The following MRC1 variants were observed in gnomAD, a reference collection of about 807,000 sequenced individuals.
MRC1 encodes the protein mannose receptor C-type 1.
A neutral mutation model predicts 102.9 loss-of-function variants in MRC1; 62 were observed. The observed-to-expected ratio is 0.60, with a 90% CI of 0.49 to 0.74. The LOEUF (loss-of-function observed/expected upper bound fraction) is 0.74, where lower values mean the gene tolerates loss of function less well. Ranked by LOEUF, MRC1 falls within the 30% of genes least tolerant of loss-of-function variation. The probability of loss-of-function intolerance (pLI) is 0.00; values close to 1 mark genes in which losing one functional copy is unlikely to be tolerated. For synonymous variants in MRC1, 457 were observed against 298.4 expected, an observed-to-expected ratio of 1.53 and a Z score of -5.48; for missense variants, 1,237 against 862.8, an observed-to-expected ratio of 1.43 and a Z score of -5.43.
At chr10:17,869,721 G>A (rs1833327836) in intron 12 of MRC1, among the ~76,000 whole-genome samples, 1 of 152,098 alleles carries the variant, frequency 6.6e-6, no homozygotes, top group Non-Finnish European at 1.5e-5. Flanking sequence ...CAACCATAAT[G>A]AAAAATACAA....
At chr10:17,908,087 G>C (rs1444879166) in intron 28 of MRC1, among the ~76,000 whole-genome samples, 1 of 152,188 alleles carries the variant, frequency 6.6e-6, no homozygotes, top group Non-Finnish European at 1.5e-5. Flanking sequence ...ATTGTGGAAT[G>C]AGTCACGTCA....
chr10:17,815,405 G>T (rs1309503717), intron 1 of MRC1, among the ~76,000 whole-genome samples: 3 of 152,202 alleles, frequency 2.0e-5, no homozygotes, highest in Admixed American at 6.5e-5. Context: ...CTAGTAAAGG[G>T]TTTTGTTTAT....
intron 5 of MRC1, among the ~76,000 whole-genome samples, chr10:17,843,003 T>C (rs1160584438): frequency 1.1e-4 from 17 of 152,234 alleles, no homozygotes; most frequent in African/African-American, 2.7e-4. Context: ...AAGCATTCAA[T>C]TGAATAATTA....
rs891321479 is a variant in MRC1, at chr10:17,854,779, C to T, written c.1408-1463C>T. The T allele has an allele frequency of 9.9e-4, 192 of 194,518 alleles. 1 individual carries two copies. The highest frequency in any genetic ancestry group is 4.3e-3 in the African/African-American group (180 of 41,972). The allele number at this position is 194,518 out of a possible 1,614,324, so 12.0% of individuals were successfully genotyped here. A position where few individuals can be genotyped will look rare whatever the true frequency, so the allele number is the denominator to read the frequency against. Reference sequence around the variant, plus strand: ...TCTTGGCTCAATGCAACCTCTGCCTCGAGAGTTCAAGCGATTCTCCTGCCT... The same window carrying T: ...TCTTGGCTCAATGCAACCTCTGCCTTGAGAGTTCAAGCGATTCTCCTGCCT... On this transcript the variant is annotated intron_variant, in intron 8 of 29. Transcript: ENST00000569591.
chr10:17,887,982 T>C (rs1464848976), intron 22 of MRC1, among the ~76,000 whole-genome samples: 2 of 152,132 alleles, frequency 1.3e-5, no homozygotes, highest in Non-Finnish European at 2.9e-5. Flanking sequence ...TTTTTTGTAC[T>C]GTTAGTAGAG....
In MRC1 at chr10:17,842,209, C is replaced by A. The variant is rs893955697; in HGVS notation, c.916+1403C>A. On this transcript the variant is annotated intron_variant, in intron 5 of 29. Transcript: ENST00000569591. Reference sequence around the variant, plus strand: ...AACTTCTGAACTCAAGTGATGTGGCCTGCCTCAACCTCCCAGAGTGCTGGG... The same window carrying A: ...AACTTCTGAACTCAAGTGATGTGGCATGCCTCAACCTCCCAGAGTGCTGGG... 1.1e-3 allele frequency among the ~76,000 whole-genome samples: 163 copies of A among 152,316 alleles called. 1 individual carries two copies. The highest frequency in any genetic ancestry group is 3.9e-3 in the African/African-American group (160 of 41,546).
intron 26 of MRC1, among the ~76,000 whole-genome samples, chr10:17,902,477 G>C (rs1365085272): frequency 6.6e-6 from 1 of 152,022 alleles, no homozygotes; most frequent in Non-Finnish European, 1.5e-5. Flanking sequence ...CTGTTTTGTT[G>C]TACCATTAAT....
intron 17 of MRC1, among the ~76,000 whole-genome samples, chr10:17,875,710 G>T (rs1460514174): frequency 1.3e-5 from 2 of 152,148 alleles, no homozygotes; most frequent in Non-Finnish European, 2.9e-5. Flanking sequence ...ATTGCAAATT[G>T]TGCCAATATT....
intron 1 of MRC1, among the ~76,000 whole-genome samples, chr10:17,819,439 GA>G (rs1454338627): frequency 6.8e-6 from 1 of 147,820 alleles, no homozygotes; most frequent in Non-Finnish European, 1.5e-5. Flanking sequence ...GTATATGTAT[GA>G]ATTCAGAGTT....
chr10:17,910,846 C>A lies in MRC1; in HGVS notation c.*381C>A. ...TGTTACCTATTAAATTGTAACTCAG[C>A]AAGTAGAAGACCATTTGAAAAGTCA... On this transcript the variant is annotated 3_prime_UTR_variant, in exon 30 of 30. Coordinates refer to ENST00000569591, the MANE Select transcript of MRC1 (RefSeq NM_002438.4). 4.7e-6 allele frequency: 1 copy of A among 212,592 alleles called. No homozygotes were observed. Among genetic ancestry groups the A allele is most frequent in the South Asian group, 7.0e-5 (1 of 14,256 alleles). 13.2% of individuals were successfully genotyped at this position (212,592 alleles called of 1,614,324 possible). A position where few individuals can be genotyped will look rare whatever the true frequency, so the allele number is the denominator to read the frequency against.
chr10:17,809,956 C>T (rs1232915952), intron 1 of MRC1, among the ~76,000 whole-genome samples: 3 of 152,094 alleles, frequency 2.0e-5, no homozygotes, highest in African/African-American at 4.8e-5. Flanking sequence ...GATGTCTCCC[C>T]GCGTCTTAGG....
chr10:17,854,001 T>C (rs1833037831), intron 8 of MRC1, among the ~76,000 whole-genome samples: 1 of 152,276 alleles, frequency 6.6e-6, no homozygotes, highest in African/African-American at 2.4e-5. Context: ...AGAGTCTTGC[T>C]CTGTCACCCA....
chr10:17,848,054 T>G (rs915444542), intron 6 of MRC1, among the ~76,000 whole-genome samples: 1 of 152,156 alleles, frequency 6.6e-6, no homozygotes, highest in Non-Finnish European at 1.5e-5. Flanking sequence ...TAGTTACTTG[T>G]ATGACTGCAG....
intron 8 of MRC1, among the ~76,000 whole-genome samples, chr10:17,853,644 T>A (rs1207289026): frequency 1.3e-5 from 2 of 151,842 alleles, no homozygotes; most frequent in Non-Finnish European, 2.9e-5. Context: ...CCCGTATATA[T>A]GTGAGAGATA....
At chr10:17,873,493 A>AT (rs1447220073) in intron 15 of MRC1, among the ~76,000 whole-genome samples, 11,910 of 146,440 alleles carry the variant, frequency 0.081, 723 homozygotes, top group African/African-American at 0.16. Flanking sequence ...AAAACTCATG[A>AT]TCTTTTTTTT....
chr10:17,818,243 C>A (rs1838341746), intron 1 of MRC1, among the ~76,000 whole-genome samples: 1 of 152,206 alleles, frequency 6.6e-6, no homozygotes, highest in African/African-American at 2.4e-5. Flanking sequence ...AATAATTTAT[C>A]TGGGTTACTA....
chr10:17,873,770 C>T lies in MRC1; in HGVS notation c.2345-14C>T. The T allele has an allele frequency of 1.1e-6, 1 of 872,332 alleles. No homozygotes were observed. The highest frequency in any genetic ancestry group is 1.3e-5 in the South Asian group (1 of 76,528). 54.0% of individuals were successfully genotyped at this position (872,332 alleles called of 1,614,324 possible). ...TTAAGTACACTTTATTTCTATTTTTCTCTTGTTTTACAGGACAAACACCAA... is the reference window on the plus strand; with the variant it reads ...TTAAGTACACTTTATTTCTATTTTTTTCTTGTTTTACAGGACAAACACCAA... On this transcript the variant is annotated splice_polypyrimidine_tract_variant and intron_variant, in intron 15 of 29. Transcript: ENST00000569591.
chr10:17,877,729 A>ATT (rs1284916328), intron 17 of MRC1, among the ~76,000 whole-genome samples, 171 bp from the exon 18 acceptor site: 1 of 151,222 alleles, frequency 6.6e-6, no homozygotes, highest in Non-Finnish European at 1.5e-5. Context: ...AATTGTGTGC[A>ATT]TTTTTTTTTA....
At chr10:17,827,107 G>A (rs945366888) in intron 2 of MRC1, among the ~76,000 whole-genome samples, 2 of 151,958 alleles carry the variant, frequency 1.3e-5, no homozygotes, top group Admixed American at 1.3e-4. Context: ...AGAGGAAGGA[G>A]GAAAAGACAG....
Sources: allele counts gnomAD v4.1 joint callset (sites outside exome capture counted in the v4.1 genomes callset), GRCh38; gene constraint gnomAD v4.1.1; transcripts MANE v1.5; gene names NCBI Gene and HGNC (gene_info 2026-07-23, HGNC 2026-07-21).